Variants in GALNT14 observed in about 807,000 individuals in gnomAD.
The protein encoded by GALNT14 is UDP-GalNAc:polypeptide N-acetylgalactosaminyltransferase 14.
In GALNT14, 60 loss-of-function variants were observed where a neutral mutation model predicts 77.5. The observed-to-expected ratio is 0.77, with a 90% CI of 0.63 to 0.96. GALNT14 has a LOEUF of 0.96. Among genes scored for constraint, GALNT14 ranks in the 40% least tolerant of loss-of-function variants. The pLI is 0.00. For synonymous variants in GALNT14, 280 were observed against 281.7 expected, an observed-to-expected ratio of 0.99 and a Z score of 0.06; for missense variants, 710 against 731.0, an observed-to-expected ratio of 0.97 and a Z score of 0.33.
At chr2:30,956,749 C>T (rs1020841960) in intron 4 of GALNT14, among the ~76,000 whole-genome samples, 33 of 152,204 alleles carry the variant, frequency 2.2e-4, no homozygotes, top group African/African-American at 6.5e-4. Context: ...TCAGATGATC[C>T]TCCCGCCTCA....
chr2:30,969,473 G>A (rs1309201225), intron 2 of GALNT14, among the ~76,000 whole-genome samples: 2 of 152,162 alleles, frequency 1.3e-5, no homozygotes, highest in Non-Finnish European at 2.9e-5. Context: ...TGGGGACAGG[G>A]GCCATTTGTC....
In GALNT14 at chr2:30,924,024, T is replaced by C. The variant is rs1355008414; in HGVS notation, c.1380+95A>G. On this transcript the variant is annotated intron_variant, in intron 13 of 14. Coordinates refer to ENST00000349752, the MANE Select transcript of GALNT14 (RefSeq NM_024572.4). The stretch of plus-strand genomic sequence containing the variant: ...CGATCTCTGGGAATAAATGGGCATC[T>C]GATGTCATGTAAGAGCAGGTGATGG... The C allele has an allele frequency of 2.3e-5, 32 of 1,366,128 alleles. No homozygotes were observed. In the Middle Eastern group the frequency reaches 5.5e-4, roughly 24 times the overall value. 84.6% of individuals were successfully genotyped at this position (1,366,128 alleles called of 1,614,324 possible).
At chr2:31,028,796 C>T (rs779259426) in intron 1 of GALNT14, among the ~76,000 whole-genome samples, 15 of 152,252 alleles carry the variant, frequency 9.9e-5, no homozygotes, top group Non-Finnish European at 1.8e-4. Context: ...ACAAATTCTC[C>T]AACTCAGCCA....
At chr2:30,901,483 A>T in the GALNT14 span, among the ~76,000 whole-genome samples, 1 of 150,038 alleles carries the variant, frequency 6.7e-6, no homozygotes, top group African/African-American at 2.4e-5. Context: ...ACACAAACAC[A>T]CAACATATAT....
chr2:31,121,663 C>A (rs952357305), intron 1 of GALNT14, among the ~76,000 whole-genome samples: 1 of 152,040 alleles, frequency 6.6e-6, no homozygotes, highest in African/African-American at 2.4e-5. Context: ...CCACTGCCGC[C>A]CAATAATCTC....
chr2:31,128,967 GA>G (rs531891870), intron 1 of GALNT14, among the ~76,000 whole-genome samples: 3,850 of 105,368 alleles, frequency 0.037, 54 homozygotes, highest in South Asian at 0.055. Context: ...AAATAAAATT[GA>G]AAAAAAAAAA....
chr2:31,079,614 G>T (rs1319341696), intron 1 of GALNT14, among the ~76,000 whole-genome samples: 1 of 152,166 alleles, frequency 6.6e-6, no homozygotes, highest in Non-Finnish European at 1.5e-5. Context: ...CTCCCTGTAA[G>T]TTGCCCTCCT....
intron 9 of GALNT14, among the ~76,000 whole-genome samples, chr2:30,941,494 T>C (rs893793168): frequency 3.3e-5 from 5 of 152,220 alleles, no homozygotes; most frequent in Non-Finnish European, 5.9e-5. Context: ...TTAACACCTT[T>C]AATACACAAG....
intron 1 of GALNT14, among the ~76,000 whole-genome samples, chr2:31,038,741 T>A (rs1409758670): frequency 7.0e-6 from 1 of 142,106 alleles, no homozygotes; most frequent in Non-Finnish European, 1.5e-5. Context: ...TTAGTGAGAT[T>A]CAGCAATTTT....
chr2:31,118,535 C>T (rs1384481083), intron 1 of GALNT14, among the ~76,000 whole-genome samples: 1 of 151,840 alleles, frequency 6.6e-6, no homozygotes, highest in East Asian at 1.9e-4. Context: ...TCCAAAAAAA[C>T]TAATAAAAAC....
At chr2:31,068,055 C>G (rs140065919) in intron 1 of GALNT14, among the ~76,000 whole-genome samples, 216 of 152,296 alleles carry the variant, frequency 1.4e-3, no homozygotes, top group African/African-American at 5.1e-3. Flanking sequence ...AGACTCTTAT[C>G]CTTTCCCCAA....
chr2:30,964,444 G>A (rs1350193050), intron 3 of GALNT14, among the ~76,000 whole-genome samples: 2 of 152,206 alleles, frequency 1.3e-5, no homozygotes, highest in Non-Finnish European at 2.9e-5. Flanking sequence ...CTCCATCCCT[G>A]TTGTCCCCAC....
At chr2:30,887,163 G>A in the GALNT14 span, among the ~76,000 whole-genome samples, 1 of 152,140 alleles carries the variant, frequency 6.6e-6, no homozygotes, top group Admixed American at 6.5e-5. Flanking sequence ...TTTGGCTACT[G>A]TGAATAGTGA....
intron 1 of GALNT14, among the ~76,000 whole-genome samples, chr2:31,122,292 T>G (rs895337526): frequency 6.6e-6 from 1 of 152,194 alleles, no homozygotes; most frequent in Non-Finnish European, 1.5e-5. Context: ...CCTGGAAGAC[T>G]ACAAGCTCTT....
chr2:31,119,065 T>A (rs73921486), intron 1 of GALNT14, among the ~76,000 whole-genome samples: 21,193 of 151,904 alleles, frequency 0.14, 2,171 homozygotes, highest in African/African-American at 0.29. Flanking sequence ...GACATAAAAA[T>A]AAATCCCAGA....
intron 1 of GALNT14, among the ~76,000 whole-genome samples, chr2:31,088,358 T>A (rs922390138): frequency 1.3e-5 from 2 of 151,892 alleles, no homozygotes; most frequent in African/African-American, 4.8e-5. Context: ...ATGGGAGGAG[T>A]GTATGTCCCA....
At chr2:30,966,356 G>T in intron 2 of GALNT14, 54 bp from the exon 3 acceptor site, 1 of 1,369,036 alleles carries the variant, frequency 7.3e-7, no homozygotes, top group East Asian at 2.3e-5. Context: ...AAGCATATCT[G>T]GAGGGCTAGA....
intron 1 of GALNT14, among the ~76,000 whole-genome samples, chr2:31,073,843 C>T (rs890493092): frequency 4.6e-5 from 7 of 152,116 alleles, no homozygotes; most frequent in South Asian, 2.1e-4. Context: ...AAAAGGACAC[C>T]GTTACAGACC....
At chr2:30,893,638 T>C in the GALNT14 span, among the ~76,000 whole-genome samples, 2 of 152,186 alleles carry the variant, frequency 1.3e-5, no homozygotes, top group African/African-American at 4.8e-5. Flanking sequence ...AGCAGAATAA[T>C]TTTTAAATTG....
Sources: gnomAD v4.1 joint callset for allele counts (sites outside exome capture counted in the v4.1 genomes callset) on GRCh38, gnomAD v4.1.1 for gene constraint, MANE v1.5 for transcripts, NCBI Gene and HGNC (gene_info 2026-07-23, HGNC 2026-07-21) for gene names.